Variants in NPTX2 observed in about 807,000 individuals in gnomAD.
The protein encoded by NPTX2 is neuronal pentraxin-2.
Under a neutral mutation model 38.1 loss-of-function variants are expected in NPTX2, and 23 were observed. That is an observed-to-expected ratio of 0.60 (90% CI 0.43 to 0.85). NPTX2 has a LOEUF of 0.85. Ranked by LOEUF, NPTX2 falls within the 40% of genes least tolerant of loss-of-function variation. The pLI is 0.00. For synonymous variants in NPTX2, 291 were observed against 287.3 expected, an observed-to-expected ratio of 1.01 and a Z score of -0.13; for missense variants, 553 against 615.3, an observed-to-expected ratio of 0.90 and a Z score of 1.07.
chr7:98,627,833 T>C (rs188038889), intron 4 of NPTX2, among the ~76,000 whole-genome samples: 7 of 152,018 alleles, frequency 4.6e-5, no homozygotes, highest in Non-Finnish European at 8.8e-5. Flanking sequence ...TTAACCCTGA[T>C]ACCCAGCAAG....
intron 4 of NPTX2, among the ~76,000 whole-genome samples, chr7:98,627,575 G>T (rs979503496): frequency 1.3e-5 from 2 of 152,214 alleles, no homozygotes; most frequent in Non-Finnish European, 2.9e-5. Flanking sequence ...TTGCTGTCCT[G>T]TGGTTAGAGG....
rs1791186128 is a variant in NPTX2, at chr7:98,617,469, C to A, written c.8C>A (p.Ala3Glu). The change falls in exon 1 of 5, where the codon GCG becomes GAG. Residue 3 changes from alanine to glutamate, a missense_variant. Physicochemically the swap from Ala to Glu is moderately radical, Grantham distance 107 (BLOSUM62 -1). Coordinates refer to ENST00000265634, the MANE Select transcript of NPTX2 (RefSeq NM_002523.3). ML[A>E]LLAASVALAV... Reference sequence around the variant, plus strand: ...CGCGGCAGCGGCGGCGGGATGCTGGCGCTGCTGGCCGCCAGCGTGGCGCTC... The same window carrying A: ...CGCGGCAGCGGCGGCGGGATGCTGGAGCTGCTGGCCGCCAGCGTGGCGCTC... The A allele has an allele frequency of 1.8e-6, 2 of 1,140,858 alleles. No individual in the cohort carries two copies. The highest frequency in any genetic ancestry group is 4.4e-5 in the Admixed American group (1 of 22,626). The allele number at this position is 1,140,858 out of a possible 1,614,324, so 70.7% of individuals were successfully genotyped here.
intron 3 of NPTX2, among the ~76,000 whole-genome samples, chr7:98,625,704 C>T (rs1287128356): frequency 6.6e-6 from 1 of 152,114 alleles, no homozygotes; most frequent in Non-Finnish European, 1.5e-5. Flanking sequence ...CATCACCCCC[C>T]AAAACCCCCT....
intron 4 of NPTX2, 59 bp from the exon 5 acceptor site, chr7:98,628,343 C>A: frequency 1.3e-6 from 1 of 766,358 alleles, no homozygotes; most frequent in Non-Finnish European, 2.2e-6. Context: ...GTCTGCAGCC[C>A]GTGTGCAGGG....
intron 2 of NPTX2, among the ~76,000 whole-genome samples, chr7:98,621,394 G>A (rs1791267439): frequency 6.6e-6 from 1 of 152,166 alleles, no homozygotes; most frequent in South Asian, 2.1e-4. Context: ...CCCCAGAGAG[G>A]CAGCCCAGCC....
intron 3 of NPTX2, among the ~76,000 whole-genome samples, chr7:98,626,681 C>G (rs1273509447): frequency 1.3e-5 from 2 of 152,218 alleles, no homozygotes; most frequent in East Asian, 1.9e-4. Context: ...CGTCCTCCCC[C>G]CAGTTCCTCA....
intron 2 of NPTX2, among the ~76,000 whole-genome samples, chr7:98,623,757 T>G (rs1459504100): frequency 2.0e-5 from 3 of 152,176 alleles, no homozygotes; most frequent in Non-Finnish European, 4.4e-5. Flanking sequence ...CAAGTGTTTA[T>G]TGGGTGCCTG....
chr7:98,618,105 G>A (rs900947285), intron 1 of NPTX2, among the ~76,000 whole-genome samples: 2 of 152,218 alleles, frequency 1.3e-5, no homozygotes, highest in African/African-American at 4.8e-5. Flanking sequence ...TTGCTGGAAG[G>A]AAACGTTTAA....
In NPTX2 at chr7:98,625,115, C is replaced by G. The variant is rs201579756; in HGVS notation, c.837C>G (p.Ile279Met). The stretch of plus-strand genomic sequence containing the variant: ...CGGTGCCAGGGCAGGCCAACGAGAT[C>G]GTGCTGATCGAGTGGGGCAACAACC... Reference protein sequence around the residue: ...SYAVPGQANEIVLIEWGNNPI... With the variant: ...SYAVPGQANEMVLIEWGNNPI... The change falls in exon 3 of 5, where the codon ATC becomes ATG. Residue 279 changes from isoleucine (I) to methionine (M), a missense_variant. Transcript: ENST00000265634. The G allele has an allele frequency of 8.3e-5, 133 of 1,609,440 alleles. No individual in the cohort carries two copies. Among genetic ancestry groups the G allele is most frequent in the Non-Finnish European group, 6.4e-5 (75 of 1,177,654 alleles).
chr7:98,618,976 C>T (rs931399116), intron 1 of NPTX2, among the ~76,000 whole-genome samples: 8 of 151,964 alleles, frequency 5.3e-5, no homozygotes, highest in African/African-American at 1.9e-4. Context: ...TGAGGCAGGT[C>T]CCATTATGTG....
At chr7:98,627,070 CA>C (rs1215518959) in intron 3 of NPTX2, 94 bp from the exon 4 acceptor site, 2 of 777,078 alleles carry the variant, frequency 2.6e-6, no homozygotes, top group African/African-American at 3.4e-5. Context: ...CAGTGTGGCC[CA>C]GGGGGACTGT....
intron 1 of NPTX2, among the ~76,000 whole-genome samples, chr7:98,618,486 C>T (rs1224721894): frequency 6.6e-6 from 1 of 151,490 alleles, no homozygotes; most frequent in Non-Finnish European, 1.5e-5. Context: ...CAAAGACTCC[C>T]GTGTCTGCAA....
intron 3 of NPTX2, among the ~76,000 whole-genome samples, chr7:98,626,317 C>G (rs1791350096): frequency 6.6e-6 from 1 of 152,048 alleles, no homozygotes; most frequent in African/African-American, 2.4e-5. Context: ...GCCACCCGGG[C>G]CACCCCTGGT....
Position 98,628,924 on chromosome 7 carries a change from AG to A in NPTX2, c.*296del. On this transcript the variant is annotated 3_prime_UTR_variant, in exon 5 of 5. Transcript: ENST00000265634. ...TGCTGCAAGTGGAGGCAGGTCCAGCAGCCCCTCTTCAGAGCCCCTGTAAATG... is the reference window on the plus strand; with the variant it reads ...TGCTGCAAGTGGAGGCAGGTCCAGCACCCCTCTTCAGAGCCCCTGTAAATG... 3.1e-6 allele frequency: 1 copy of A among 322,140 alleles called. No individual in the cohort carries two copies. 20.0% of individuals were successfully genotyped at this position (322,140 alleles called of 1,614,324 possible).
In NPTX2 at chr7:98,628,634, C is replaced by T; in HGVS notation, c.*5C>T. On this transcript the variant is annotated 3_prime_UTR_variant, in exon 5 of 5. Coordinates refer to ENST00000265634, the MANE Select transcript of NPTX2 (RefSeq NM_002523.3). ...GAGCGTCTCCTTGACTTGTAGCCGCCTTCTCCTCTGTCCAGGAGGCCGGGA... is the reference window on the plus strand; with the variant it reads ...GAGCGTCTCCTTGACTTGTAGCCGCTTTCTCCTCTGTCCAGGAGGCCGGGA... 7.0e-7 allele frequency: 1 copy of T among 1,437,866 alleles called. No homozygotes were observed. The highest frequency in any genetic ancestry group is 9.5e-7 in the Non-Finnish European group (1 of 1,049,746). The allele number at this position is 1,437,866 out of a possible 1,614,324, so 89.1% of individuals were successfully genotyped here. A position where few individuals can be genotyped will look rare whatever the true frequency, so the allele number is the denominator to read the frequency against.
intron 1 of NPTX2, 63 bp from the exon 2 acceptor site, chr7:98,619,580 C>T (rs1487002196): frequency 1.4e-6 from 2 of 1,412,326 alleles, no homozygotes; most frequent in Non-Finnish European, 2.0e-6. Context: ...GCCATCACAG[C>T]CACATTTCAC....
intron 2 of NPTX2, among the ~76,000 whole-genome samples, chr7:98,622,822 G>A (rs1040274369): frequency 1.3e-5 from 2 of 152,202 alleles, no homozygotes; most frequent in African/African-American, 2.4e-5. Context: ...AGGAGCAATC[G>A]GGAGGCCACC....
chr7:98,618,440 A>G (rs1394453732), intron 1 of NPTX2, among the ~76,000 whole-genome samples: 1 of 152,076 alleles, frequency 6.6e-6, no homozygotes, highest in Non-Finnish European at 1.5e-5. Flanking sequence ...CGGCGACCCC[A>G]GAGCGCGCAT....
rs539415670 is a variant in NPTX2 at position 98,617,322 on chromosome 7, G to A, written c.-140G>A. 4.8e-3 allele frequency: 1,372 copies of A among 286,616 alleles called. 20 individuals carry two copies. Among genetic ancestry groups the A allele is most frequent in the African/African-American group, 0.029 (1,302 of 44,948 alleles). The allele number at this position is 286,616 out of a possible 1,614,324, so 17.8% of individuals were successfully genotyped here. A position where few individuals can be genotyped will look rare whatever the true frequency, so the allele number is the denominator to read the frequency against. ...AGCGCGGTGGGTGCGGCTGTGAGAC[G>A]GCAGGAGACTTCTGCCCCGCGGTGC... is the stretch of plus-strand genomic sequence containing the variant. On this transcript the variant is annotated 5_prime_UTR_variant, in exon 1 of 5. Transcript: ENST00000265634.
Sources: allele counts gnomAD v4.1 joint callset (sites outside exome capture counted in the v4.1 genomes callset), GRCh38; gene constraint gnomAD v4.1.1; transcripts MANE v1.5; gene names NCBI Gene and HGNC (gene_info 2026-07-23, HGNC 2026-07-21).